Variants in TTC28 observed in about 807,000 individuals in gnomAD.
TTC28 encodes tetratricopeptide repeat domain 28.
In TTC28, 61 loss-of-function variants were observed where a neutral mutation model predicts 198.0. The observed-to-expected ratio is 0.31, with a 90% CI of 0.25 to 0.38. TTC28 has a LOEUF of 0.38. Among genes scored for constraint, TTC28 ranks in the 10% least tolerant of loss-of-function variants. The pLI, the probability that TTC28 is intolerant of heterozygous loss-of-function variation, is 1.00. For missense variants in TTC28, 2,678 were observed against 3,164.0 expected (o/e 0.85, Z 3.69); for synonymous variants, 1,171 against 1,297.8 (o/e 0.90, Z 2.10).
intron 14 of TTC28, 99 bp from the exon 15 acceptor site, chr22:28,001,652 C>A (rs776425458): frequency 7.2e-7 from 1 of 1,394,674 alleles, no homozygotes; most frequent in South Asian, 1.4e-5. Context: ...GACACAAGCA[C>A]GAGCAGGTGA....
In TTC28 at chr22:27,987,272, A is replaced by G. The variant is rs568478066; in HGVS notation, c.5708-1916T>C. Among the ~76,000 whole-genome samples, 5 of 152,346 alleles carry G rather than the reference A, an allele frequency of 3.3e-5. No individual in the cohort carries two copies. In the South Asian group the frequency reaches 8.3e-4, roughly 25 times the overall value. On this transcript the variant is annotated intron_variant, in intron 21 of 22. Transcript: ENST00000397906. ...AAGTCCCCCATAATCCCAACACCAG[A>G]GACAGCCTGTGTTAAGAGTTTTTGG...
At chr22:28,335,905 C>T (rs1433411954) in intron 2 of TTC28, among the ~76,000 whole-genome samples, 2 of 152,138 alleles carry the variant, frequency 1.3e-5, no homozygotes, top group Non-Finnish European at 1.5e-5. Context: ...GAGGGCATCC[C>T]TGTCTTGTGC....
chr22:28,075,606 G>A (rs964168093), intron 12 of TTC28, among the ~76,000 whole-genome samples: 13 of 152,206 alleles, frequency 8.5e-5, no homozygotes, highest in Admixed American at 3.3e-4. Flanking sequence ...GAAATGTGAT[G>A]TAGCAAGCTA....
chr22:28,385,729 A>C (rs2046571530), intron 2 of TTC28, among the ~76,000 whole-genome samples: 1 of 152,148 alleles, frequency 6.6e-6, no homozygotes. Context: ...GAATCAAATT[A>C]TTTAGTCTGA....
intron 5 of TTC28, among the ~76,000 whole-genome samples, chr22:28,168,185 T>C (rs565375372): frequency 6.6e-6 from 1 of 152,298 alleles, no homozygotes; most frequent in East Asian, 1.9e-4. Flanking sequence ...CACAACCAAA[T>C]GCAAGAACAT....
intron 5 of TTC28, among the ~76,000 whole-genome samples, chr22:28,199,530 CATAT>C (rs10689151): frequency 8.6e-5 from 12 of 138,966 alleles, no homozygotes; most frequent in African/African-American, 2.5e-4. Context: ...AATACCTATA[CATAT>C]ATATATATAT....
intron 2 of TTC28, among the ~76,000 whole-genome samples, chr22:28,340,775 C>G (rs1451249500): frequency 6.6e-6 from 1 of 152,142 alleles, no homozygotes; most frequent in African/African-American, 2.4e-5. Context: ...TAATTATTCA[C>G]AAGTCACATT....
chr22:28,499,424 T>G (rs9620799), intron 2 of TTC28, among the ~76,000 whole-genome samples: 15,196 of 152,174 alleles, frequency 0.1, 859 homozygotes, highest in African/African-American at 0.12. Flanking sequence ...TTGACTAAAG[T>G]TTGCTACCTT....
chr22:28,018,870 G>A (rs934577645), intron 13 of TTC28, among the ~76,000 whole-genome samples: 1 of 152,176 alleles, frequency 6.6e-6, no homozygotes, highest in African/African-American at 2.4e-5. Context: ...TTGTATGGGC[G>A]GACCCAAGGT....
chr22:28,158,434 A>G (rs1943804411), intron 6 of TTC28, among the ~76,000 whole-genome samples: 2 of 152,210 alleles, frequency 1.3e-5, no homozygotes, highest in Admixed American at 1.3e-4. Flanking sequence ...GAAACCACAA[A>G]AGACCCAGAA....
chr22:28,440,502 T>G (rs1217971593), intron 2 of TTC28, among the ~76,000 whole-genome samples: 1 of 152,078 alleles, frequency 6.6e-6, no homozygotes, highest in Middle Eastern at 3.2e-3. Context: ...CTATAATCAC[T>G]CTCTTACAGT....
At chr22:28,564,279 T>A (rs1309016263) in intron 2 of TTC28, among the ~76,000 whole-genome samples, 2 of 152,230 alleles carry the variant, frequency 1.3e-5, no homozygotes, top group East Asian at 3.8e-4. Flanking sequence ...TTTTGAGTAA[T>A]GTCAATTTTA....
intron 5 of TTC28, among the ~76,000 whole-genome samples, chr22:28,271,636 G>A (rs899382156): frequency 4.6e-5 from 7 of 151,954 alleles, no homozygotes; most frequent in East Asian, 1.9e-4. Context: ...GACGAGTCTC[G>A]CCTTGTCGCC....
At chr22:28,433,557 A>G (rs970511205) in intron 2 of TTC28, among the ~76,000 whole-genome samples, 3 of 152,224 alleles carry the variant, frequency 2.0e-5, no homozygotes, top group Non-Finnish European at 4.4e-5. Context: ...CTAGGCTAAA[A>G]CAAGAAGGAT....
intron 12 of TTC28, among the ~76,000 whole-genome samples, chr22:28,072,631 C>A (rs534876674): frequency 2.1e-4 from 32 of 152,262 alleles, no homozygotes; most frequent in Admixed American, 1.4e-3. Flanking sequence ...CTCTTACCCC[C>A]CTGTGTAAGC....
chr22:28,616,664 C>A (rs1454557586), intron 2 of TTC28, among the ~76,000 whole-genome samples: 1 of 152,030 alleles, frequency 6.6e-6, no homozygotes, highest in African/African-American at 2.4e-5. Context: ...CCAGCTTGGG[C>A]AACACAGTGA....
rs573114109 is a variant in TTC28 at position 28,163,869 on chromosome 22, AG to A, written c.934-271del. Among the ~76,000 whole-genome samples the A allele has an allele frequency of 1.0e-3, 153 of 152,352 alleles. 1 individual carries two copies. Among genetic ancestry groups the A allele is most frequent in the African/African-American group, 3.5e-3 (145 of 41,584 alleles). Reference sequence around the variant, plus strand: ...GGCATTGCCTCACCTGGGAAGCACAAGGGGTCAAGGAATTCCCTTTCCTAGT... The same window carrying A: ...GGCATTGCCTCACCTGGGAAGCACAAGGGTCAAGGAATTCCCTTTCCTAGT... On this transcript the variant is annotated intron_variant, in intron 5 of 22. Transcript: ENST00000397906.
intron 1 of TTC28, among the ~76,000 whole-genome samples, chr22:28,676,250 T>C (rs2051987936): frequency 6.6e-6 from 1 of 152,150 alleles, no homozygotes; most frequent in Admixed American, 6.6e-5. Flanking sequence ...GTGAAATAAG[T>C]CAATCACAAA....
intron 2 of TTC28, among the ~76,000 whole-genome samples, chr22:28,339,686 G>A (rs370122695): frequency 4.6e-5 from 7 of 152,298 alleles, no homozygotes; most frequent in South Asian, 4.1e-4. Flanking sequence ...AGGACCCTCC[G>A]AGCCAGGCAT....
Sources: allele counts gnomAD v4.1 joint callset (sites outside exome capture counted in the v4.1 genomes callset), GRCh38; gene constraint gnomAD v4.1.1; transcripts MANE v1.5; gene names NCBI Gene and HGNC (gene_info 2026-07-23, HGNC 2026-07-21).